Variants in PRH1 observed in about 807,000 individuals in gnomAD.
PRH1 encodes the protein salivary acidic proline-rich phosphoprotein 1/2.
Under a neutral mutation model 7.9 loss-of-function variants are expected in PRH1, and 7 were observed. The ratio of observed to expected loss-of-function variants is 0.89; its 90% CI spans 0.50 to 1.67. The LOEUF (loss-of-function observed/expected upper bound fraction) is 1.67. Ranked by LOEUF, PRH1 falls within the 40% of genes most tolerant of loss-of-function variation. The pLI is 0.00. For synonymous variants in PRH1, 45 were observed against 80.8 expected, an observed-to-expected ratio of 0.56 and a Z score of 2.38; for missense variants, 109 against 223.6, an observed-to-expected ratio of 0.49 and a Z score of 3.27.
intron 1 of PRH1, among the ~76,000 whole-genome samples, chr12:11,147,540 T>C (rs879788502): frequency 6.6e-6 from 1 of 152,214 alleles, no homozygotes; most frequent in African/African-American, 2.4e-5. Context: ...ATAGATACAC[T>C]GTTTTTTGGT....
intron 2 of PRH1, chr12:10,895,646 TTAGAATCAGGCATTTTCTCATAGCC>T (rs1949633930): frequency 6.6e-6 from 1 of 152,198 alleles, no homozygotes; most frequent in Non-Finnish European, 1.5e-5. Context: ...TGCAAGATTC[TTAGAATCAGGCATTTTCTCATAGCC>T]TATATTGAAA....
chr12:10,889,579 C>G (rs1410798882), intron 2 of PRH1, among the ~76,000 whole-genome samples: 1 of 152,094 alleles, frequency 6.6e-6, no homozygotes, highest in Non-Finnish European at 1.5e-5. Flanking sequence ...AATTTTTGAT[C>G]ATTATTTCTC....
At chr12:11,080,047 G>T (rs1944449552) in intron 1 of PRH1, among the ~76,000 whole-genome samples, 1 of 123,766 alleles carries the variant, frequency 8.1e-6, no homozygotes. Flanking sequence ...ATTGCTAAAA[G>T]CCTAGGTTTA....
chr12:11,017,563 C>A (rs1941355908), intron 1 of PRH1, among the ~76,000 whole-genome samples: 1 of 152,154 alleles, frequency 6.6e-6, no homozygotes, highest in Non-Finnish European at 1.5e-5. Context: ...CGGCTCACTG[C>A]AAACTTCGCC....
At chr12:11,139,637 A>G (rs978812415) in intron 1 of PRH1, among the ~76,000 whole-genome samples, 1 of 152,162 alleles carries the variant, frequency 6.6e-6, no homozygotes, top group Non-Finnish European at 1.5e-5. Context: ...TGATCACTGT[A>G]TAGTATTCCA....
chr12:11,057,374 T>C (rs973941130), intron 1 of PRH1, among the ~76,000 whole-genome samples: 2 of 152,148 alleles, frequency 1.3e-5, no homozygotes, highest in Admixed American at 1.3e-4. Flanking sequence ...TCTAATCAGT[T>C]TGTAGTTACT....
intron 1 of PRH1, among the ~76,000 whole-genome samples, chr12:11,002,993 A>G (rs1380302292): frequency 7.9e-5 from 12 of 152,012 alleles, no homozygotes; most frequent in Admixed American, 7.2e-4. Context: ...ATTGCTGCCA[A>G]TTTGAAACGT....
In PRH1 at chr12:11,082,113, G is replaced by C. The variant is rs1379059436; in HGVS notation, n.124-34925C>G. Among the ~76,000 whole-genome samples, 3 of 105,632 alleles carry C rather than the reference G, an allele frequency of 2.8e-5. 1 individual carries two copies. Among genetic ancestry groups the C allele is most frequent in the Non-Finnish European group, 6.8e-5 (3 of 44,276 alleles). The allele number at this position is 105,632 out of a possible 152,430, so 69.3% of individuals were successfully genotyped here. ...AATGATATCTCTTAGAAATTATGCA[G>C]ACATTAACCAAATTATGTATGTAAA... On this transcript the variant is annotated intron_variant and non_coding_transcript_variant, in intron 1 of 4. Transcript: ENST00000541977.
chr12:10,887,886 T>C (rs1362238620), upstream of PRH1, among the ~76,000 whole-genome samples: 1 of 151,540 alleles, frequency 6.6e-6, no homozygotes, highest in East Asian at 2.0e-4. Flanking sequence ...GCCATGAGTA[T>C]CACTCTGCTA....
At chr12:10,924,233 C>T (rs373833861) in intron 2 of PRH1, among the ~76,000 whole-genome samples, 8 of 152,110 alleles carry the variant, frequency 5.3e-5, no homozygotes, top group African/African-American at 1.4e-4. Context: ...ATGATCCACC[C>T]GCCTCGGCCT....
At chr12:11,004,978 G>A (rs575873234) in intron 1 of PRH1, among the ~76,000 whole-genome samples, 1 of 152,242 alleles carries the variant, frequency 6.6e-6, no homozygotes, top group South Asian at 2.1e-4. Context: ...TATCATGTCT[G>A]AATTCTTTTT....
chr12:10,913,287 C>G (rs975604397), intron 2 of PRH1, among the ~76,000 whole-genome samples: 6 of 152,090 alleles, frequency 3.9e-5, no homozygotes, highest in Non-Finnish European at 8.8e-5. Flanking sequence ...AACCAAGTCT[C>G]TACTAAAACT....
chr12:11,052,338 T>C (rs927227406), intron 1 of PRH1, among the ~76,000 whole-genome samples: 2 of 152,250 alleles, frequency 1.3e-5, no homozygotes, highest in African/African-American at 2.4e-5. Flanking sequence ...ACTGAAGACA[T>C]GATTCCTTTG....
At chr12:11,089,822 G>A (rs1396513006) in intron 1 of PRH1, among the ~76,000 whole-genome samples, 1 of 111,724 alleles carries the variant, frequency 9.0e-6, no homozygotes, top group Non-Finnish European at 2.1e-5. Context: ...TAATTTTGAT[G>A]TTCTACCTTG....
At chr12:11,108,008 G>T (rs565109086) in intron 1 of PRH1, among the ~76,000 whole-genome samples, 16 of 152,152 alleles carry the variant, frequency 1.1e-4, no homozygotes, top group Non-Finnish European at 2.1e-4. Flanking sequence ...CATATTAAAA[G>T]TGCAGAGAGT....
At chr12:11,170,421 C>A (rs1424284642) in intron 1 of PRH1, among the ~76,000 whole-genome samples, 1 of 152,186 alleles carries the variant, frequency 6.6e-6, no homozygotes, top group African/African-American at 2.4e-5. Context: ...GTGGCGGGCG[C>A]CTGTAGTCCC....
At position 11,089,489 on chromosome 12, in the gene PRH1, A is replaced by G. The variant is rs569801511; in HGVS notation, n.124-42301T>C. On this transcript the variant is annotated intron_variant and non_coding_transcript_variant, in intron 1 of 4. Transcript: ENST00000541977. The stretch of plus-strand genomic sequence containing the variant: ...TGCTGTCTCTCTCACCTCACTGTGA[A>G]GTGGCTGCCAGCAGAGCCATACCAG... Among the ~76,000 whole-genome samples the G allele has an allele frequency of 1.4e-4, 3 of 21,132 alleles. No individual in the cohort carries two copies. The East Asian group carries it at 0.016, about 111-fold the overall frequency. The allele number at this position is 21,132 out of a possible 152,430, so 13.9% of individuals were successfully genotyped here.
At chr12:10,905,702 T>C (rs913070829) in intron 2 of PRH1, among the ~76,000 whole-genome samples, 5 of 151,790 alleles carry the variant, frequency 3.3e-5, no homozygotes, top group African/African-American at 1.2e-4. Context: ...AAAAGTGTGG[T>C]ATATATAGAC....
intron 3 of PRH1, among the ~76,000 whole-genome samples, 159 bp downstream of exon 3, chr12:10,882,058 G>T (rs1312301300): frequency 6.6e-6 from 1 of 152,154 alleles, no homozygotes; most frequent in African/African-American, 2.4e-5. Flanking sequence ...AGGGTCACAG[G>T]GTCTTGATAC....
Sources: allele counts gnomAD v4.1 joint callset (sites outside exome capture counted in the v4.1 genomes callset), GRCh38; gene constraint gnomAD v4.1.1; transcripts MANE v1.5; gene names NCBI Gene and HGNC (gene_info 2026-07-23, HGNC 2026-07-21).